DOP1A: variants seen among roughly 807,000 people sequenced by gnomAD.
The protein encoded by DOP1A is DOP1 leucine zipper like protein A.
Under a neutral mutation model 267.6 loss-of-function variants are expected in DOP1A, and 90 were observed. The observed-to-expected ratio is 0.34, with a 90% CI of 0.28 to 0.40. The LOEUF is 0.40. DOP1A is among the 10% of genes least tolerant of loss of function. The pLI is 1.00. For synonymous variants in DOP1A, 932 were observed against 999.1 expected, an observed-to-expected ratio of 0.93 and a Z score of 1.27; for missense variants, 2,437 against 2,900.4, an observed-to-expected ratio of 0.84 and a Z score of 3.67.
At chr6:83,087,855 T>G (rs773447092) in intron 1 of DOP1A, among the ~76,000 whole-genome samples, 21 of 151,962 alleles carry the variant, frequency 1.4e-4, no homozygotes, top group Admixed American at 3.3e-4. Flanking sequence ...ATGTTTGTTT[T>G]TTTGTTTGTT....
At chr6:83,168,510 G>T (rs748808800), downstream of DOP1A, 12 of 1,012,148 alleles carry the variant, frequency 1.2e-5, no homozygotes, top group Non-Finnish European at 1.4e-5. Flanking sequence ...ATTGGTTGGG[G>T]ATTTTTCTCT....
At chr6:83,154,354 G>T in intron 33 of DOP1A, 113 bp downstream of exon 33, 2 of 925,306 alleles carry the variant, frequency 2.2e-6, no homozygotes, top group Non-Finnish European at 3.4e-6. Context: ...TCTTTGTCAA[G>T]TGTCAGTGGG....
chr6:83,132,805 C>T (rs1344033944), intron 18 of DOP1A, among the ~76,000 whole-genome samples: 3 of 151,940 alleles, frequency 2.0e-5, no homozygotes, highest in African/African-American at 7.3e-5. Flanking sequence ...ATTTTGTATC[C>T]TAATGTATAT....
intron 33 of DOP1A, among the ~76,000 whole-genome samples, chr6:83,154,626 C>T (rs1782369976): frequency 6.6e-6 from 1 of 152,074 alleles, no homozygotes. Context: ...GTGCAAAAGG[C>T]AGGCAGTCGA....
chr6:83,110,332 G>T lies in DOP1A; in HGVS notation c.681+18G>T, dbSNP rs762979433. Reference sequence around the variant, plus strand: ...AGCTAATGGTAGGTCTAAAAATATGGTTGCTCATTTCACAAATATTTCTTT... The same window carrying T: ...AGCTAATGGTAGGTCTAAAAATATGTTTGCTCATTTCACAAATATTTCTTT... On this transcript the variant is annotated intron_variant, in intron 6 of 38. Coordinates refer to ENST00000349129, the MANE Select transcript of DOP1A (RefSeq NM_015018.4). 55 of 1,605,468 alleles carry T rather than the reference G, an allele frequency of 3.4e-5. 1 individual carries two copies. Among genetic ancestry groups the T allele is most frequent in the Non-Finnish European group, 3.9e-5 (46 of 1,175,264 alleles).
At chr6:83,109,866 A>G (rs1443610201) in intron 5 of DOP1A, among the ~76,000 whole-genome samples, 3 of 152,106 alleles carry the variant, frequency 2.0e-5, no homozygotes, top group Non-Finnish European at 4.4e-5. Context: ...TGTTCTCTTC[A>G]TTTTACAGAT....
At chr6:83,166,289 G>T (rs1047014378) in intron 38 of DOP1A, 6 of 596,450 alleles carry the variant, frequency 1.0e-5, no homozygotes, top group Non-Finnish European at 1.8e-5. Flanking sequence ...GATCAGCTTC[G>T]ATGATGTTCT....
In DOP1A at chr6:83,130,244, A is replaced by C; in HGVS notation, c.2463A>C (p.Thr821=). The C allele has an allele frequency of 6.2e-7, 1 of 1,614,060 alleles. No individual in the cohort carries two copies. The highest frequency in any genetic ancestry group is 8.5e-7 in the Non-Finnish European group (1 of 1,179,980). The part of the protein sequence containing the change: ...ISLVMDLVGL[T]QSVAMVTGEN... The stretch of plus-strand genomic sequence containing the variant: ...TAGTTATGGACCTGGTGGGACTGAC[A>C]CAGTCTGTGGCCATGGTCACTGGGG... The change falls in exon 17 of 39, where the codon ACA becomes ACC. Residue 821 remains threonine (T), a synonymous_variant. Transcript: ENST00000349129.
intron 1 of DOP1A, among the ~76,000 whole-genome samples, chr6:83,084,757 ATT>A (rs78069437): frequency 1.2e-4 from 16 of 131,448 alleles, no homozygotes; most frequent in South Asian, 5.0e-4. Flanking sequence ...TAATTTTTGT[ATT>A]TTTTTTTTTT....
chr6:83,119,789 A>G lies in DOP1A; in HGVS notation c.922A>G (p.Arg308Gly). 6.2e-7 allele frequency: 1 copy of G among 1,613,226 alleles called. No individual in the cohort carries two copies. Among genetic ancestry groups the G allele is most frequent in the Non-Finnish European group, 8.5e-7 (1 of 1,179,316 alleles). The change falls in exon 9 of 39, where the codon AGA (arginine) becomes GGA (glycine). Residue 308 changes from arginine to glycine, a missense_variant. Around this residue, in one of 9 missense-constraint regions of DOP1A, gnomAD observed 498 missense variants for 513.5 expected, o/e 0.97. Transcript: ENST00000349129. ...TGCTATCATAGGACCCAGAAGCACA[A>G]GACACAGTAATCCTGAAGAACATGC... ...NGAIIGPRST[R>G]HSNPEEHATY...
intron 3 of DOP1A, among the ~76,000 whole-genome samples, chr6:83,100,415 CAAAA>C (rs997489893): frequency 1.4e-4 from 21 of 151,310 alleles, no homozygotes; most frequent in African/African-American, 4.9e-4. Context: ...AAAAATTTAC[CAAAA>C]AAAATCTAAA....
intron 4 of DOP1A, among the ~76,000 whole-genome samples, chr6:83,101,609 C>T (rs917343853): frequency 4.6e-5 from 7 of 152,292 alleles, no homozygotes; most frequent in African/African-American, 1.7e-4. Context: ...TTCTCAGTCT[C>T]CTTTACAAGT....
At chr6:83,115,237 A>G (rs1235602429) in intron 7 of DOP1A, among the ~76,000 whole-genome samples, 1 of 152,218 alleles carries the variant, frequency 6.6e-6, no homozygotes, top group Non-Finnish European at 1.5e-5. Flanking sequence ...AATTGTAATC[A>G]AGAAGCAACT....
intron 1 of DOP1A, among the ~76,000 whole-genome samples, chr6:83,084,810 C>T (rs545961313): frequency 2.6e-5 from 4 of 151,668 alleles, no homozygotes; most frequent in African/African-American, 9.7e-5. Flanking sequence ...AGGCTGGTCT[C>T]GAACTCCTGG....
chr6:83,100,816 C>A lies in DOP1A; in HGVS notation c.250C>A (p.Leu84Ile). The A allele has an allele frequency of 6.3e-7, 1 of 1,592,088 alleles. No homozygotes were observed. Among genetic ancestry groups the A allele is most frequent in the Non-Finnish European group, 8.6e-7 (1 of 1,167,614 alleles). Reference sequence around the variant, plus strand: ...ACCAGGTGGAGTTCATCGGAAGGCGCTTGAAACATATGAAATTATCTTCAA... The same window carrying A: ...ACCAGGTGGAGTTCATCGGAAGGCGATTGAAACATATGAAATTATCTTCAA... Reference protein sequence around the residue: ...ALPGGVHRKALETYEIIFKII... With the variant: ...ALPGGVHRKAIETYEIIFKII... The change falls in exon 4 of 39, where the codon CTT becomes ATT. Residue 84 changes from leucine to isoleucine, a missense_variant. Around this residue, in one of 9 missense-constraint regions of DOP1A, gnomAD observed 251 missense variants for 359.1 expected, o/e 0.70. Coordinates refer to ENST00000349129, the MANE Select transcript of DOP1A (RefSeq NM_015018.4).
At chr6:83,128,625 C>T (rs1035146024) in intron 15 of DOP1A, among the ~76,000 whole-genome samples, 1 of 152,102 alleles carries the variant, frequency 6.6e-6, no homozygotes, top group South Asian at 2.1e-4. Context: ...ATGAAATAGT[C>T]ATTTGAAAAC....
At position 83,121,513 on chromosome 6, in the gene DOP1A, CA is replaced by C. The variant is rs1434710770; in HGVS notation, c.1100-415del. On this transcript the variant is annotated intron_variant, in intron 10 of 38. Transcript: ENST00000349129. ...TTATTTAAATTAATAGCAGTAATTA[CA>C]AGTAGCTTTTGTTGAATACTTATTA... Among the ~76,000 whole-genome samples, 4 of 151,766 alleles carry C rather than the reference CA, an allele frequency of 2.6e-5. No homozygotes were observed. The East Asian group carries it at 7.7e-4, about 29-fold the overall frequency.
intron 1 of DOP1A, among the ~76,000 whole-genome samples, chr6:83,095,139 G>A (rs560130119): frequency 6.6e-6 from 1 of 152,162 alleles, no homozygotes; most frequent in East Asian, 1.9e-4. Context: ...CACCATGTTG[G>A]TCAGCCTGGT....
chr6:83,118,087 GA>G (rs778449762), intron 7 of DOP1A, among the ~76,000 whole-genome samples: 1 of 152,194 alleles, frequency 6.6e-6, no homozygotes, highest in Non-Finnish European at 1.5e-5. Flanking sequence ...AAGAACCTGT[GA>G]GGTTTAGATT....
Sources: allele counts gnomAD v4.1 joint callset (sites outside exome capture counted in the v4.1 genomes callset), GRCh38; gene constraint gnomAD v4.1.1; regional missense constraint gnomAD v4.1.1; transcripts MANE v1.5; gene names NCBI Gene and HGNC (gene_info 2026-07-23, HGNC 2026-07-21).